Variants in NDUFA9 observed in about 807,000 individuals in gnomAD.
The protein encoded by NDUFA9 is NADH:ubiquinone oxidoreductase subunit A9.
In NDUFA9, 23 loss-of-function variants were observed where a neutral mutation model predicts 45.9. That is an observed-to-expected ratio of 0.50 (90% CI 0.36 to 0.71). The LOEUF (loss-of-function observed/expected upper bound fraction) is 0.71. NDUFA9 is among the 30% of genes least tolerant of loss of function. The pLI, the probability that NDUFA9 is intolerant of heterozygous loss-of-function variation, is 0.00. For synonymous variants in NDUFA9, 176 were observed against 170.5 expected (o/e 1.03, Z -0.25); for missense variants, 466 against 488.2 (o/e 0.95, Z 0.43).
chr12:4,656,651 C>T (rs1403940371), intron 3 of NDUFA9, among the ~76,000 whole-genome samples: 2 of 152,206 alleles, frequency 1.3e-5, no homozygotes, highest in African/African-American at 4.8e-5. Flanking sequence ...GACTGTGTGC[C>T]CTTGGGCCTT....
Position 4,685,256 on chromosome 12 carries a change from C to T in NDUFA9, c.897-3C>T. 1.9e-6 allele frequency: 3 copies of T among 1,612,402 alleles called. No homozygotes were observed. Among genetic ancestry groups the T allele is most frequent in the Non-Finnish European group, 2.5e-6 (3 of 1,178,442 alleles). ...CATGTGCTATATGTATTTCTCTTTCCAGATGGGTAGCAAGAGTCTTTGAAA... is the reference window on the plus strand; with the variant it reads ...CATGTGCTATATGTATTTCTCTTTCTAGATGGGTAGCAAGAGTCTTTGAAA... On this transcript the variant is annotated splice_region_variant and splice_polypyrimidine_tract_variant and intron_variant, in intron 9 of 10. Coordinates refer to ENST00000266544, the MANE Select transcript of NDUFA9 (RefSeq NM_005002.5).
At chr12:4,663,507 A>G (rs1195032067) in intron 6 of NDUFA9, among the ~76,000 whole-genome samples, 5 of 152,136 alleles carry the variant, frequency 3.3e-5, no homozygotes, top group Non-Finnish European at 7.3e-5. Flanking sequence ...AGAAGAGGCA[A>G]AAAGAGAGAT....
chr12:4,680,504 T>C (rs1945945931), intron 8 of NDUFA9, among the ~76,000 whole-genome samples: 1 of 152,174 alleles, frequency 6.6e-6, no homozygotes, highest in South Asian at 2.1e-4. Flanking sequence ...GCACTTAAAC[T>C]AGTGTTCCGG....
At chr12:4,664,779 A>T (rs1382343220) in intron 6 of NDUFA9, among the ~76,000 whole-genome samples, 1 of 152,204 alleles carries the variant, frequency 6.6e-6, no homozygotes, top group Non-Finnish European at 1.5e-5. Flanking sequence ...GGCAAAGAAG[A>T]TTATTGATTT....
At chr12:4,684,041 G>C (rs561454043) in intron 9 of NDUFA9, among the ~76,000 whole-genome samples, 1 of 152,190 alleles carries the variant, frequency 6.6e-6, no homozygotes, top group African/African-American at 2.4e-5. Flanking sequence ...GTTAGAGTTG[G>C]CTTATGTATG....
chr12:4,655,671 G>A (rs1369626607), intron 3 of NDUFA9: 1 of 152,140 alleles, frequency 6.6e-6, no homozygotes, highest in African/African-American at 2.4e-5. Context: ...TGGTTGTTTA[G>A]TATAGATTTA....
At chr12:4,651,742 A>G (rs1945760964) in intron 1 of NDUFA9, among the ~76,000 whole-genome samples, 1 of 151,942 alleles carries the variant, frequency 6.6e-6, no homozygotes, top group Non-Finnish European at 1.5e-5. Context: ...CTATGTCCTC[A>G]TTTCCTTACT....
At chr12:4,678,274 A>C (rs1275550950) in intron 8 of NDUFA9, among the ~76,000 whole-genome samples, 1 of 152,072 alleles carries the variant, frequency 6.6e-6, no homozygotes, top group East Asian at 1.9e-4. Context: ...CCAGAAGTTA[A>C]AGTATAATTA....
intron 10 of NDUFA9, among the ~76,000 whole-genome samples, chr12:4,685,670 C>G (rs1393985728): frequency 2.0e-5 from 2 of 97,926 alleles, no homozygotes; most frequent in African/African-American, 3.1e-5. Flanking sequence ...CTAACTTCCT[C>G]CTAACGTCCT....
At chr12:4,686,130 A>T (rs1184555008) in intron 10 of NDUFA9, among the ~76,000 whole-genome samples, 2 of 152,210 alleles carry the variant, frequency 1.3e-5, no homozygotes, top group African/African-American at 2.4e-5. Context: ...TCTTACGTTT[A>T]TACTTGAGAA....
chr12:4,659,801 G>A (rs1945813601), intron 5 of NDUFA9, among the ~76,000 whole-genome samples: 1 of 152,130 alleles, frequency 6.6e-6, no homozygotes, highest in Admixed American at 6.5e-5. Flanking sequence ...CCATATGGAA[G>A]CCTGTTTGGA....
chr12:4,653,328 A>G (rs1945770304), intron 1 of NDUFA9, among the ~76,000 whole-genome samples: 1 of 152,242 alleles, frequency 6.6e-6, no homozygotes. Flanking sequence ...GAACACAGGG[A>G]TAAAAACTTC....
rs1252269987 is a variant in NDUFA9 at position 4,693,300 on chromosome 12, A to G, written c.*6192A>G. 6.6e-6 allele frequency: 1 copy of G among 152,230 alleles called. No homozygotes were observed. Among genetic ancestry groups the G allele is most frequent in the African/African-American group, 2.4e-5 (1 of 41,456 alleles). 9.4% of individuals were successfully genotyped at this position (152,230 alleles called of 1,614,324 possible). On this transcript the variant is annotated 3_prime_UTR_variant, in exon 11 of 11. Coordinates refer to ENST00000266544, the MANE Select transcript of NDUFA9 (RefSeq NM_005002.5). ...AAATTGTTCTGGTCTTGTTCAGGTA[A>G]TAATTTTAATTCTATAATAAAATCT...
intron 1 of NDUFA9, among the ~76,000 whole-genome samples, chr12:4,651,469 T>C (rs1391943870): frequency 6.6e-6 from 1 of 152,108 alleles, no homozygotes; most frequent in African/African-American, 2.4e-5. Context: ...TTTACTGTGA[T>C]AGTCACAGTT....
In NDUFA9 at chr12:4,687,021, C is replaced by G; in HGVS notation, c.1047C>G (p.Ala349=). The part of the protein sequence containing the change: ...GIQATPLELK[A]IEVLRRHRTY... ...AGGCAACACCACTGGAACTCAAGGC[C>G]ATTGAGGTGCTGCGGCGTCATCGCA... The change falls in exon 11 of 11, where the codon GCC becomes GCG. Residue 349 remains alanine, a synonymous_variant. Coordinates refer to ENST00000266544, the MANE Select transcript of NDUFA9 (RefSeq NM_005002.5). 1 of 1,614,182 alleles carries G rather than the reference C, an allele frequency of 6.2e-7. No homozygotes were observed. Among genetic ancestry groups the G allele is most frequent in the Non-Finnish European group, 8.5e-7 (1 of 1,180,042 alleles).
intron 6 of NDUFA9, among the ~76,000 whole-genome samples, chr12:4,663,402 G>A (rs1945835219): frequency 6.6e-6 from 1 of 152,170 alleles, no homozygotes; most frequent in Admixed American, 6.5e-5. Flanking sequence ...TAACACCATT[G>A]TGAATTTATT....
At chr12:4,654,774 A>G in intron 2 of NDUFA9, 51 bp from the exon 3 acceptor site, 2 of 1,312,542 alleles carry the variant, frequency 1.5e-6, no homozygotes, top group Non-Finnish European at 1.1e-6. Context: ...ATTGTATAAT[A>G]TATCCACATT....
intron 6 of NDUFA9, among the ~76,000 whole-genome samples, chr12:4,663,411 T>G (rs1243340471): frequency 6.6e-6 from 1 of 152,192 alleles, no homozygotes; most frequent in African/African-American, 2.4e-5. Flanking sequence ...TGTGAATTTA[T>G]TTGGAGTTAG....
At position 4,685,326 on chromosome 12, in the gene NDUFA9, G is replaced by A. The variant is rs111374473; in HGVS notation, c.963+1G>A. 3 of 1,609,846 alleles carry A rather than the reference G, an allele frequency of 1.9e-6. No individual in the cohort carries two copies. The highest frequency in any genetic ancestry group is 2.6e-6 in the Non-Finnish European group (3 of 1,176,324). On this transcript the variant is annotated splice_donor_variant, in intron 10 of 10. Transcript: ENST00000266544. LOFTEE classifies it high-confidence loss of function. ...GATAACAAGGGATAAAGTGGAGCGG[G>A]TGAGTACATGTGTGGAAAGCGTCTG...
Sources: gnomAD v4.1 joint callset for allele counts (sites outside exome capture counted in the v4.1 genomes callset) on GRCh38, gnomAD v4.1.1 for gene constraint, MANE v1.5 for transcripts, NCBI Gene and HGNC (gene_info 2026-07-23, HGNC 2026-07-21) for gene names.